FERMT2: variants seen among roughly 807,000 people sequenced by gnomAD.
FERMT2 encodes FERM domain containing kindlin 2, also known as fermitin family homolog 2.
In FERMT2, 15 loss-of-function variants were observed where a neutral mutation model predicts 82.7. The ratio of observed to expected loss-of-function variants is 0.18; its 90% confidence interval spans 0.12 to 0.28. The LOEUF (loss-of-function observed/expected upper bound fraction) is 0.28. FERMT2 is among the 10% of genes least tolerant of loss of function. The pLI is 1.00. For missense variants in FERMT2, 645 were observed against 809.4 expected (o/e 0.80, Z 2.46); for synonymous variants, 274 against 271.5 (o/e 1.01, Z -0.09).
intron 3 of FERMT2, among the ~76,000 whole-genome samples, chr14:52,913,073 A>T (rs1429751087): frequency 4.6e-5 from 7 of 152,248 alleles, no homozygotes; most frequent in Admixed American, 4.6e-4. Flanking sequence ...ATTACATATT[A>T]AATTGTTAAA....
intron 10 of FERMT2, among the ~76,000 whole-genome samples, chr14:52,868,542 G>T (rs1177594880): frequency 6.6e-6 from 1 of 152,170 alleles, no homozygotes; most frequent in African/African-American, 2.4e-5. Context: ...ACCCAGCACA[G>T]TTTGTGGCAC....
chr14:52,948,622 G>T (rs1450866483), intron 2 of FERMT2: 2 of 451,498 alleles, frequency 4.4e-6, no homozygotes, highest in Admixed American at 4.8e-5. Context: ...AAAAGATTAA[G>T]ATTATAGTCA....
At chr14:52,933,689 A>C (rs924198765) in intron 2 of FERMT2, among the ~76,000 whole-genome samples, 1 of 139,070 alleles carries the variant, frequency 7.2e-6, no homozygotes, top group Non-Finnish European at 1.5e-5. Context: ...CAGCCTGGGC[A>C]ACAAGAGCAA....
intron 10 of FERMT2, among the ~76,000 whole-genome samples, chr14:52,870,517 G>A (rs1318657630): frequency 6.6e-6 from 1 of 152,056 alleles, no homozygotes; most frequent in Non-Finnish European, 1.5e-5. Context: ...CAAAGTGCTG[G>A]GATTATAGGC....
intron 2 of FERMT2, among the ~76,000 whole-genome samples, chr14:52,925,726 C>T (rs1160104040): frequency 3.3e-5 from 5 of 152,152 alleles, no homozygotes; most frequent in African/African-American, 1.2e-4. Context: ...GCAACCTCCA[C>T]TTCCCGGGTT....
chr14:52,859,344 A>C, intron 14 of FERMT2: 3 of 423,624 alleles, frequency 7.1e-6, no homozygotes, highest in Non-Finnish European at 1.2e-5. Flanking sequence ...CATTACAGAA[A>C]GACAAAAAAG....
intron 6 of FERMT2, among the ~76,000 whole-genome samples, chr14:52,879,088 T>C (rs73302542): frequency 0.016 from 2,481 of 152,294 alleles, 65 homozygotes; most frequent in African/African-American, 0.056. Flanking sequence ...CAACTTGCCA[T>C]ACAAACATGT....
chr14:52,907,827 CA>C (rs778423810), intron 3 of FERMT2, among the ~76,000 whole-genome samples: 2 of 149,240 alleles, frequency 1.3e-5, no homozygotes. Context: ...AGGAGGGAAA[CA>C]GAAAAGAAAT....
chr14:52,901,447 A>G (rs1245601455), intron 3 of FERMT2, among the ~76,000 whole-genome samples: 1 of 152,206 alleles, frequency 6.6e-6, no homozygotes, highest in African/African-American at 2.4e-5. Context: ...GAGTTTTTGC[A>G]AATGAATTAA....
intron 10 of FERMT2, among the ~76,000 whole-genome samples, chr14:52,866,430 C>G (rs988830220): frequency 9.9e-5 from 15 of 152,198 alleles, no homozygotes; most frequent in African/African-American, 3.6e-4. Flanking sequence ...CCTTCCCAAC[C>G]AGCCTGGACC....
chr14:52,878,729 T>C (rs1206842535), intron 6 of FERMT2, 40 bp from the exon 7 acceptor site: 1 of 1,059,186 alleles, frequency 9.4e-7, no homozygotes, highest in East Asian at 2.7e-5. Context: ...TATATAACCT[T>C]TACCATTGAA....
intron 2 of FERMT2, among the ~76,000 whole-genome samples, chr14:52,935,509 A>G (rs766601591): frequency 1.4e-4 from 22 of 152,148 alleles, no homozygotes; most frequent in Admixed American, 2.6e-4. Flanking sequence ...TTAGAAGAAG[A>G]GACAGAAGAC....
chr14:52,930,669 T>C (rs189860575), intron 2 of FERMT2, among the ~76,000 whole-genome samples: 6 of 152,276 alleles, frequency 3.9e-5, no homozygotes, highest in South Asian at 2.1e-4. Flanking sequence ...CAGATACAAT[T>C]TGTTGTTGTC....
chr14:52,926,168 G>A (rs1444541445), intron 2 of FERMT2, among the ~76,000 whole-genome samples: 5 of 29,100 alleles, frequency 1.7e-4, no homozygotes, highest in African/African-American at 4.9e-4. Context: ...ACGAATAATG[G>A]CAAGCAAATG....
At chr14:52,887,284 TGA>T (rs1354939023) in intron 4 of FERMT2, among the ~76,000 whole-genome samples, 1 of 151,994 alleles carries the variant, frequency 6.6e-6, no homozygotes, top group Non-Finnish European at 1.5e-5. Context: ...CCAGCACTTC[TGA>T]GAGACCAAGG....
At position 52,901,306 on chromosome 14, in the gene FERMT2, A is replaced by G. The variant is rs536170845; in HGVS notation, c.392-7879T>C. On this transcript the variant is annotated intron_variant, in intron 3 of 14. Coordinates refer to ENST00000341590, the MANE Select transcript of FERMT2 (RefSeq NM_006832.3). ...AAAAAAAAAAAAAAAAAAAAGCCCC[A>G]GCATTAAACATAGGAACAGCCAGCC... 4.3e-4 allele frequency among the ~76,000 whole-genome samples: 57 copies of G among 131,918 alleles called. 3 individuals are homozygous for G. In the South Asian group the frequency reaches 0.012, roughly 27 times the overall value. The allele number at this position is 131,918 out of a possible 152,430, so 86.5% of individuals were successfully genotyped here. A position where few individuals can be genotyped will look rare whatever the true frequency, so the allele number is the denominator to read the frequency against.
Position 52,916,593 on chromosome 14 carries a change from C to CAAT in FERMT2, c.391+2527_391+2529dup, listed in dbSNP as rs1888628001. On this transcript the variant is annotated intron_variant, in intron 3 of 14. Transcript: ENST00000341590. ...TTTAGGACAGTCAAACTATTCTGTA[C>CAAT]AATACCACAACAGTAGATACACGAG... Among the ~76,000 whole-genome samples the CAAT allele has an allele frequency of 2.0e-5, 3 of 152,094 alleles. No individual in the cohort carries two copies. The South Asian group carries it at 6.2e-4, about 31-fold the overall frequency.
At chr14:52,909,675 C>G in intron 3 of FERMT2, among the ~76,000 whole-genome samples, 1 of 152,150 alleles carries the variant, frequency 6.6e-6, no homozygotes, top group Non-Finnish European at 1.5e-5. Context: ...GTAATCCCAG[C>G]TACTCAGGAG....
chr14:52,939,288 G>T (rs902474627), intron 2 of FERMT2, among the ~76,000 whole-genome samples: 3 of 148,500 alleles, frequency 2.0e-5, no homozygotes, highest in East Asian at 4.0e-4. Context: ...CACTAGAATC[G>T]CTTGAACCTG....
Sources: allele counts gnomAD v4.1 joint callset (sites outside exome capture counted in the v4.1 genomes callset), GRCh38; gene constraint gnomAD v4.1.1; transcripts MANE v1.5; gene names NCBI Gene and HGNC (gene_info 2026-07-23, HGNC 2026-07-21).